Variants in ZNF367 observed in about 807,000 individuals in gnomAD.
The protein encoded by ZNF367 is zinc finger protein 367.
In ZNF367, 11 loss-of-function variants were observed where a neutral mutation model predicts 31.8. The observed-to-expected ratio is 0.35, with a 90% CI of 0.22 to 0.57. ZNF367 has a LOEUF of 0.57. Among genes scored for constraint, ZNF367 ranks in the 20% least tolerant of loss-of-function variants. ZNF367 has a pLI of 0.85. For missense variants in ZNF367, 353 were observed against 484.1 expected, an observed-to-expected ratio of 0.73 and a Z score of 2.54; for synonymous variants, 199 against 202.4, an observed-to-expected ratio of 0.98 and a Z score of 0.14.
intron 4 of ZNF367, among the ~76,000 whole-genome samples, chr9:96,391,389 G>C (rs1486610868): frequency 6.6e-6 from 1 of 152,206 alleles, no homozygotes; most frequent in African/African-American, 2.4e-5. Context: ...AAGAGATGAA[G>C]GTGAGCAAGA....
In ZNF367 at chr9:96,417,632, G is replaced by C. The variant is rs1267969956; in HGVS notation, c.401C>G (p.Pro134Arg). The C allele has an allele frequency of 1.3e-6, 1 of 779,488 alleles. No homozygotes were observed. The highest frequency in any genetic ancestry group is 1.7e-6 in the Non-Finnish European group (1 of 581,816). 48.3% of individuals were successfully genotyped at this position (779,488 alleles called of 1,614,324 possible). A position where few individuals can be genotyped will look rare whatever the true frequency, so the allele number is the denominator to read the frequency against. ...GCTCACCTTGAGGTGGCCGCTGTCTGGGCTGCTCGCTTCCTCCTCGTCCTC... is the reference window on the plus strand; with the variant it reads ...GCTCACCTTGAGGTGGCCGCTGTCTCGGCTGCTCGCTTCCTCCTCGTCCTC... The part of the protein sequence containing the change: ...GGEDEEEASS[P>R]DSGHLKDGIR... Residue 134 changes from proline (P) to arginine (R), a missense_variant, in exon 1 of 5, where the codon CCA becomes CGA. This residue lies in a region of ZNF367 where 70 missense variants were observed against 57.1 expected (regional missense o/e 1.23). Transcript: ENST00000375256. The surrounding 1 kb of genome is among the most constrained non-coding windows in gnomAD (Gnocchi z 5.0).
chr9:96,405,254 G>A (rs1461602385), intron 1 of ZNF367, among the ~76,000 whole-genome samples: 1 of 146,900 alleles, frequency 6.8e-6, no homozygotes, highest in Non-Finnish European at 1.5e-5. Flanking sequence ...CCCGGAGGTT[G>A]CAGTGAGCCG....
At chr9:96,389,229 G>C (rs1252411837) in intron 4 of ZNF367, among the ~76,000 whole-genome samples, 1 of 151,910 alleles carries the variant, frequency 6.6e-6, no homozygotes, top group Non-Finnish European at 1.5e-5. Context: ...GAACCTGGGA[G>C]GCGGAGGTTG....
At chr9:96,414,390 A>G (rs1358048310) in intron 1 of ZNF367, among the ~76,000 whole-genome samples, 1 of 152,254 alleles carries the variant, frequency 6.6e-6, no homozygotes, top group Non-Finnish European at 1.5e-5. Context: ...CAGCCATTTC[A>G]CTTTTACATG....
intron 1 of ZNF367, among the ~76,000 whole-genome samples, chr9:96,409,405 C>T (rs1279461987): frequency 1.2e-4 from 19 of 152,176 alleles, no homozygotes; most frequent in Non-Finnish European, 2.9e-5. Flanking sequence ...GTGGAGCACA[C>T]CAGTGGTCAA....
At position 96,388,405 on chromosome 9, in the gene ZNF367, C is replaced by G. The variant is rs774014184; in HGVS notation, c.885G>C (p.Gln295His). The G allele has an allele frequency of 8.7e-6, 14 of 1,613,976 alleles. No homozygotes were observed. In the East Asian group the frequency reaches 3.1e-4, roughly 36 times the overall value. ...RTPTLKGKLV[Q>H]KADQEQQDPL... ...GGTCCTGCTGCTCCTGATCAGCCTTCTGAACCAGCTTGCCTTTCAAAGTGG... is the reference window on the plus strand; with the variant it reads ...GGTCCTGCTGCTCCTGATCAGCCTTGTGAACCAGCTTGCCTTTCAAAGTGG... Residue 295 changes from glutamine (Q) to histidine (H), a missense_variant, in exon 5 of 5, where the codon CAG becomes CAC. This residue lies in a region of ZNF367 where 101 missense variants were observed against 140.0 expected (regional missense o/e 0.72). Transcript: ENST00000375256.
chr9:96,402,187 C>T (rs894909741), intron 1 of ZNF367, among the ~76,000 whole-genome samples: 97 of 150,222 alleles, frequency 6.5e-4, no homozygotes, highest in African/African-American at 2.3e-3. Flanking sequence ...ACCCAGAAGG[C>T]GGAGGTTGCA....
Position 96,418,053 on chromosome 9 carries a change from T to C in ZNF367, c.-21A>G. ...ATCATCGCCCGGCCCGACCCCCAGC[T>C]CCGGCGGCCCCGGGCCGCACTCCTG... On this transcript the variant is annotated 5_prime_UTR_variant, in exon 1 of 5. Transcript: ENST00000375256. 27 of 1,354,886 alleles carry C rather than the reference T, an allele frequency of 2.0e-5. No individual in the cohort carries two copies. The highest frequency in any genetic ancestry group is 2.5e-5 in the Non-Finnish European group (27 of 1,059,500). 83.9% of individuals were successfully genotyped at this position (1,354,886 alleles called of 1,614,324 possible).
chr9:96,404,253 G>C (rs934834500), intron 1 of ZNF367, among the ~76,000 whole-genome samples: 1 of 152,020 alleles, frequency 6.6e-6, no homozygotes, highest in African/African-American at 2.4e-5. Context: ...GAGGTCAGGA[G>C]ATCAAGACCA....
In ZNF367 at chr9:96,417,137, A is replaced by G. The variant is rs1429137184; in HGVS notation, c.420+476T>C. ...AGCGAAGGCACAACTTCAGCCGCAG[A>G]ACAGGCCCAGAAGTCCTTTCTTGCT... On this transcript the variant is annotated intron_variant, in intron 1 of 4. Coordinates refer to ENST00000375256, the MANE Select transcript of ZNF367 (RefSeq NM_153695.4). The surrounding 1 kb of genome is among the most constrained non-coding windows in gnomAD (Gnocchi z 5.0). Among the ~76,000 whole-genome samples the G allele has an allele frequency of 6.6e-6, 1 of 152,210 alleles. No homozygotes were observed. The highest frequency in any genetic ancestry group is 1.5e-5 in the Non-Finnish European group (1 of 68,042).
At chr9:96,406,508 T>C (rs1831673135) in intron 1 of ZNF367, among the ~76,000 whole-genome samples, 1 of 152,230 alleles carries the variant, frequency 6.6e-6, no homozygotes. Context: ...TTCAAATTAG[T>C]TGTACACTTA....
chr9:96,418,223 A>T lies in ZNF367; in HGVS notation c.-191T>A. ...GCACCGGCGGGCAGGGCTGGACCCC[A>T]GCCCCAGGTCAAGCGCGCCCTCCGC... On this transcript the variant is annotated 5_prime_UTR_variant, in exon 1 of 5. Transcript: ENST00000375256. The T allele has an allele frequency of 2.4e-6, 2 of 839,750 alleles. No homozygotes were observed. The highest frequency in any genetic ancestry group is 3.2e-6 in the Non-Finnish European group (2 of 627,840). The allele number at this position is 839,750 out of a possible 1,614,324, so 52.0% of individuals were successfully genotyped here.
At chr9:96,412,789 G>C (rs756256319) in intron 1 of ZNF367, among the ~76,000 whole-genome samples, 1 of 148,272 alleles carries the variant, frequency 6.7e-6, no homozygotes, top group Non-Finnish European at 1.5e-5. Flanking sequence ...TCTGCCTCCC[G>C]GGTTCATGTG....
At chr9:96,402,860 A>G (rs1831625646) in intron 1 of ZNF367, among the ~76,000 whole-genome samples, 1 of 152,126 alleles carries the variant, frequency 6.6e-6, no homozygotes. Context: ...AGACCACAAA[A>G]AAGTCTCACT....
intron 4 of ZNF367, among the ~76,000 whole-genome samples, chr9:96,388,959 A>G (rs1831437313): frequency 6.6e-6 from 1 of 152,232 alleles, no homozygotes. Flanking sequence ...CCAACTGATA[A>G]TTTACAAGAG....
At position 96,386,587 on chromosome 9, in the gene ZNF367, TTC is replaced by T. The variant is rs982591952; in HGVS notation, c.*1648_*1649del. Reference sequence around the variant, plus strand: ...ATTCTTAGACCATTACAAATATAAATTCTCTTATTACAAAAAAATCCCTAAAG... The same window carrying T: ...ATTCTTAGACCATTACAAATATAAATTCTTATTACAAAAAAATCCCTAAAG... On this transcript the variant is annotated 3_prime_UTR_variant, in exon 5 of 5. Transcript: ENST00000375256. The T allele has an allele frequency of 2.6e-5, 4 of 151,700 alleles. No homozygotes were observed. Among genetic ancestry groups the T allele is most frequent in the South Asian group, 2.1e-4 (1 of 4,830 alleles). 9.4% of individuals were successfully genotyped at this position (151,700 alleles called of 1,614,324 possible). A position where few individuals can be genotyped will look rare whatever the true frequency, so the allele number is the denominator to read the frequency against.
chr9:96,416,088 T>G (rs368702961), intron 1 of ZNF367, among the ~76,000 whole-genome samples: 120 of 73,564 alleles, frequency 1.6e-3, no homozygotes, highest in African/African-American at 0.01. Flanking sequence ...TTTTTTGTTG[T>G]TTTTTTTTTT....
At position 96,392,600 on chromosome 9, in the gene ZNF367, C is replaced by T. The variant is rs1185834380; in HGVS notation, c.692-64G>A. 5 of 1,522,078 alleles carry T rather than the reference C, an allele frequency of 3.3e-6. No individual in the cohort carries two copies. In the African/African-American group the frequency reaches 7.0e-5, roughly 21 times the overall value. 94.3% of individuals were successfully genotyped at this position (1,522,078 alleles called of 1,614,324 possible). A position where few individuals can be genotyped will look rare whatever the true frequency, so the allele number is the denominator to read the frequency against. ...ATCCAGCACATAGACATGTGGAAAA[C>T]ATTCAGTTTCACTGGTATCCAGAAA... On this transcript the variant is annotated intron_variant, in intron 3 of 4. Transcript: ENST00000375256.
intron 1 of ZNF367, among the ~76,000 whole-genome samples, chr9:96,408,013 A>G (rs1212733727): frequency 2.8e-5 from 4 of 141,206 alleles, no homozygotes; most frequent in Non-Finnish European, 4.6e-5. Context: ...ATAAATAAAT[A>G]AATAAACGTT....
Sources: gnomAD v4.1 joint callset for allele counts (sites outside exome capture counted in the v4.1 genomes callset) on GRCh38, gnomAD v4.1.1 for gene constraint, gnomAD v4.1.1 regional missense constraint, Gnocchi (gnomAD v3.1) non-coding constraint, MANE v1.5 for transcripts, NCBI Gene and HGNC (gene_info 2026-07-23, HGNC 2026-07-21) for gene names.